Variants in RELN observed in about 807,000 individuals in gnomAD.
RELN encodes the protein reelin.
In RELN, 108 loss-of-function variants were observed where a neutral mutation model predicts 427.6. The ratio of observed to expected loss-of-function variants is 0.25; its 90% CI spans 0.22 to 0.30. RELN has a LOEUF of 0.30. RELN is among the 10% of genes least tolerant of loss of function. The pLI is 1.00. For synonymous variants in RELN, 1,524 were observed against 1,513.4 expected (o/e 1.01, Z -0.16); for missense variants, 3,715 against 4,302.8 (o/e 0.86, Z 3.82).
chr7:103,559,388 A>G (rs1347812619), intron 36 of RELN, among the ~76,000 whole-genome samples: 1 of 152,242 alleles, frequency 6.6e-6, no homozygotes, highest in East Asian at 1.9e-4. Context: ...TTCACAAAGC[A>G]TAGATTCATA....
intron 3 of RELN, among the ~76,000 whole-genome samples, chr7:103,787,058 A>G (rs1792035711): frequency 6.6e-6 from 1 of 152,124 alleles, no homozygotes; most frequent in Non-Finnish European, 1.5e-5. Flanking sequence ...TCAAAACCTC[A>G]CAACTACATG....
At chr7:103,809,234 A>G (rs529639216) in intron 3 of RELN, among the ~76,000 whole-genome samples, 1 of 152,246 alleles carries the variant, frequency 6.6e-6, no homozygotes, top group Admixed American at 6.5e-5. Flanking sequence ...ACTAAAACAT[A>G]CTCAGACCAA....
At position 103,644,813 on chromosome 7, in the gene RELN, C is replaced by A. The variant is rs151267456; in HGVS notation, c.2003-4204G>T. ...GAAAAATACATTGTAAGGATGTCAC[C>A]AAGTTATATAGTCATCAGACTATCT... On this transcript the variant is annotated intron_variant, in intron 16 of 64. Coordinates refer to ENST00000428762, the MANE Select transcript of RELN (RefSeq NM_005045.4). Among the ~76,000 whole-genome samples, 117 of 151,674 alleles carry A rather than the reference C, an allele frequency of 7.7e-4. 1 individual carries two copies. The highest frequency in any genetic ancestry group is 2.8e-3 in the African/African-American group (115 of 41,480).
intron 2 of RELN, among the ~76,000 whole-genome samples, chr7:103,901,362 T>G (rs181570994): frequency 1.4e-4 from 22 of 152,038 alleles, no homozygotes; most frequent in Admixed American, 1.2e-3. Flanking sequence ...TTCAAAAAAT[T>G]AAAAGAATTA....
intron 16 of RELN, among the ~76,000 whole-genome samples, chr7:103,648,078 G>C (rs1355434134): frequency 6.6e-6 from 1 of 152,004 alleles, no homozygotes; most frequent in Non-Finnish European, 1.5e-5. Context: ...TTAAATGTAA[G>C]ATATGAAACT....
intron 2 of RELN, among the ~76,000 whole-genome samples, chr7:103,893,398 T>C (rs1427474396): frequency 6.6e-6 from 1 of 152,176 alleles, no homozygotes; most frequent in Admixed American, 6.6e-5. Flanking sequence ...TGAGAACTAT[T>C]AGAAAAACAC....
At chr7:103,819,358 T>C (rs997782856) in intron 3 of RELN, among the ~76,000 whole-genome samples, 4 of 152,026 alleles carry the variant, frequency 2.6e-5, no homozygotes, top group Non-Finnish European at 5.9e-5. Context: ...TCAATGCTTT[T>C]ACAAAAAAAC....
chr7:103,810,659 A>C (rs1792719053), intron 3 of RELN, among the ~76,000 whole-genome samples: 1 of 152,020 alleles, frequency 6.6e-6, no homozygotes, highest in South Asian at 2.1e-4. Flanking sequence ...CCTTCCTTGC[A>C]GGAAAAAAAA....
Position 103,942,923 on chromosome 7 carries a change from A to G in RELN, c.227-25738T>C, listed in dbSNP as rs1044307335. 4.0e-5 allele frequency among the ~76,000 whole-genome samples: 6 copies of G among 151,878 alleles called. No individual in the cohort carries two copies. The East Asian group carries it at 9.7e-4, about 25-fold the overall frequency. On this transcript the variant is annotated intron_variant, in intron 1 of 64. Transcript: ENST00000428762. ...CAAGACTCCATCTCAGAAAAAAAAAAAATTCTTAAAAGTGGTAAAGTTGGA... is the reference window on the plus strand; with the variant it reads ...CAAGACTCCATCTCAGAAAAAAAAAGAATTCTTAAAAGTGGTAAAGTTGGA...
At position 103,490,810 on chromosome 7, in the gene RELN, C is replaced by G. The variant is rs769668891; in HGVS notation, c.9463G>C (p.Val3155Leu). The change falls in exon 59 of 65, where the codon GTA (valine) becomes CTA (leucine). Residue 3155 changes from valine (V) to leucine (L), a missense_variant. Val to Leu is a conservative substitution (Grantham distance 32). Coordinates refer to ENST00000428762, the MANE Select transcript of RELN (RefSeq NM_005045.4). ...GAGGAAGGAAGGCACTGGGTCTGTA[C>G]GAGCTGCCAGGAATCCGATCTGCAG... ...KDARSDSWQL[V>L]QTQCLPSSSN... The G allele has an allele frequency of 4.2e-5, 67 of 1,613,996 alleles. No individual in the cohort carries two copies. Among genetic ancestry groups the G allele is most frequent in the Non-Finnish European group, 5.5e-5 (65 of 1,180,024 alleles).
chr7:103,636,270 C>G lies in RELN; in HGVS notation c.2268G>C (p.Gln756His). 1.2e-6 allele frequency: 2 copies of G among 1,613,874 alleles called. No individual in the cohort carries two copies. The highest frequency in any genetic ancestry group is 1.7e-6 in the Non-Finnish European group (2 of 1,179,888). Residue 756 changes from glutamine to histidine, a missense_variant, in exon 18 of 65, where the codon CAG (glutamine) becomes CAC (histidine). Transcript: ENST00000428762. The part of the protein sequence containing the change: ...ALVFNKDGRR[Q>H]LITSFLDSSQ... ...AGCTGTCAAGGAAAGATGTAATTAG[C>G]TGACGCCGCCCATCTTTGTTGAAAA... is the stretch of plus-strand genomic sequence containing the variant.
At chr7:103,686,385 T>C (rs1402964752) in intron 10 of RELN, among the ~76,000 whole-genome samples, 10 of 152,098 alleles carry the variant, frequency 6.6e-5, no homozygotes, top group Non-Finnish European at 1.5e-4. Flanking sequence ...TGTAGGAAAA[T>C]TGAAAATGCA....
At chr7:103,963,131 C>T (rs770342216) in intron 1 of RELN, among the ~76,000 whole-genome samples, 7 of 53,762 alleles carry the variant, frequency 1.3e-4, no homozygotes, top group African/African-American at 2.2e-4. Context: ...CTCTTTTCGC[C>T]TTCTTTTTTT....
At chr7:103,744,172 A>G (rs1472533531) in intron 6 of RELN, among the ~76,000 whole-genome samples, 2 of 152,210 alleles carry the variant, frequency 1.3e-5, no homozygotes, top group African/African-American at 4.8e-5. Context: ...TACTGGGTAA[A>G]TAATGAAATG....
intron 1 of RELN, among the ~76,000 whole-genome samples, chr7:103,986,382 CA>C (rs1454423284): frequency 6.6e-6 from 1 of 152,066 alleles, no homozygotes; most frequent in African/African-American, 2.4e-5. Flanking sequence ...TCGAAAGCTC[CA>C]GATTTTTTAG....
At chr7:103,891,439 T>C (rs906347549) in intron 2 of RELN, among the ~76,000 whole-genome samples, 14 of 152,130 alleles carry the variant, frequency 9.2e-5, no homozygotes, top group Non-Finnish European at 1.6e-4. Flanking sequence ...GCACAATGAC[T>C]CTACATCAGG....
At chr7:103,737,198 A>AT (rs959892273) in intron 6 of RELN, among the ~76,000 whole-genome samples, 61 of 152,254 alleles carry the variant, frequency 4.0e-4, no homozygotes, top group African/African-American at 1.4e-3. Context: ...ATTGTGTCTG[A>AT]TTTTTTTCAT....
At chr7:103,919,060 C>G (rs1457015643) in intron 1 of RELN, among the ~76,000 whole-genome samples, 1 of 150,804 alleles carries the variant, frequency 6.6e-6, no homozygotes, top group East Asian at 2.0e-4. Context: ...ACTCTTTTGA[C>G]AGTGGAATAA....
At chr7:103,567,416 G>A (rs1256091898) in intron 31 of RELN, among the ~76,000 whole-genome samples, 1 of 152,142 alleles carries the variant, frequency 6.6e-6, no homozygotes, top group Non-Finnish European at 1.5e-5. Flanking sequence ...CATGATCCAG[G>A]GGACTGCACA....
Sources: allele counts gnomAD v4.1 joint callset (sites outside exome capture counted in the v4.1 genomes callset), GRCh38; gene constraint gnomAD v4.1.1; transcripts MANE v1.5; gene names NCBI Gene and HGNC (gene_info 2026-07-23, HGNC 2026-07-21).